The following PBX1 variants were observed in gnomAD, a reference collection of about 807,000 sequenced individuals.
PBX1 encodes the protein pre-B-cell leukemia transcription factor 1.
A neutral mutation model predicts 53.4 loss-of-function variants in PBX1; 6 were observed. The observed-to-expected ratio is 0.11, with a 90% CI of 0.06 to 0.22. PBX1 has a LOEUF of 0.22. Among genes scored for constraint, PBX1 ranks in the 10% least tolerant of loss-of-function variants. The pLI is 1.00. For synonymous variants in PBX1, 204 were observed against 212.3 expected (o/e 0.96, Z 0.34); for missense variants, 251 against 551.4 (o/e 0.46, Z 5.46).
chr1:164,772,286 G>T (rs1323653312), intron 2 of PBX1, among the ~76,000 whole-genome samples: 1 of 152,116 alleles, frequency 6.6e-6, no homozygotes, highest in Non-Finnish European at 1.5e-5. Context: ...ATCTTTAAAA[G>T]AACATGTGGT....
At chr1:164,846,513 C>T in intron 8 of PBX1, 71 bp from the exon 9 acceptor site, 6 of 1,308,292 alleles carry the variant, frequency 4.6e-6, no homozygotes, top group South Asian at 3.5e-5. Context: ...CAAGATGCCT[C>T]ATTGTCATTG....
chr1:164,848,901 A>C lies in PBX1; in HGVS notation c.*2225A>C. The stretch of plus-strand genomic sequence containing the variant: ...GGAATGTGTATTTGAAGGAAATGCA[A>C]AAACTAAGTATTTAGCAAAATGAAA... On this transcript the variant is annotated 3_prime_UTR_variant, in exon 9 of 9. Coordinates refer to ENST00000420696, the MANE Select transcript of PBX1 (RefSeq NM_002585.4). 2.9e-5 allele frequency: 31 copies of C among 1,068,876 alleles called. No homozygotes were observed. The highest frequency in any genetic ancestry group is 3.4e-5 in the Non-Finnish European group (30 of 881,726). The allele number at this position is 1,068,876 out of a possible 1,614,324, so 66.2% of individuals were successfully genotyped here.
At chr1:164,857,667 C>T (rs1672008339) in intron 2 of PBX1, among the ~76,000 whole-genome samples, 1 of 152,180 alleles carries the variant, frequency 6.6e-6, no homozygotes, top group South Asian at 2.1e-4. Context: ...ACTCTCCTAT[C>T]ACCCTTATCA....
intron 2 of PBX1, among the ~76,000 whole-genome samples, chr1:164,785,747 C>T (rs1341342814): frequency 6.6e-6 from 1 of 152,162 alleles, no homozygotes; most frequent in Non-Finnish European, 1.5e-5. Context: ...TTGCACTGAG[C>T]GTTCCTCAGA....
At chr1:164,830,723 T>C (rs992693674) in intron 8 of PBX1, among the ~76,000 whole-genome samples, 7 of 152,138 alleles carry the variant, frequency 4.6e-5, no homozygotes, top group Non-Finnish European at 8.8e-5. Context: ...TTGTTTCAAG[T>C]CTCCCAGGTG....
chr1:164,797,790 A>G (rs956288815), intron 3 of PBX1, among the ~76,000 whole-genome samples: 4 of 152,190 alleles, frequency 2.6e-5, no homozygotes, highest in South Asian at 2.1e-4. Flanking sequence ...AACTCATTTA[A>G]TCCTTACTAC....
At position 164,848,798 on chromosome 1, in the gene PBX1, C is replaced by A. The variant is rs577297529; in HGVS notation, c.*2122C>A. On this transcript the variant is annotated 3_prime_UTR_variant, in exon 9 of 9. Coordinates refer to ENST00000420696, the MANE Select transcript of PBX1 (RefSeq NM_002585.4). ...GGCAGCTAGCAAGAACATGGAAATT[C>A]TGCTTGGCACTACAGTCATAAATAG... The A allele has an allele frequency of 9.4e-7, 1 of 1,062,368 alleles. No homozygotes were observed. Among genetic ancestry groups the A allele is most frequent in the South Asian group, 4.6e-5 (1 of 21,948 alleles). The allele number at this position is 1,062,368 out of a possible 1,614,324, so 65.8% of individuals were successfully genotyped here. A position where few individuals can be genotyped will look rare whatever the true frequency, so the allele number is the denominator to read the frequency against.
intron 2 of PBX1, chr1:164,684,548 C>A (rs1459845441): frequency 4.6e-5 from 7 of 152,166 alleles, no homozygotes; most frequent in African/African-American, 1.7e-4. Flanking sequence ...TTTGACCAGT[C>A]CTTTCACTGA....
intron 2 of PBX1, among the ~76,000 whole-genome samples, chr1:164,734,048 A>G (rs567008660): frequency 2.0e-5 from 3 of 152,294 alleles, no homozygotes; most frequent in East Asian, 3.9e-4. Flanking sequence ...GTGTGGATTC[A>G]TTTTGTATGT....
chr1:164,746,700 G>T (rs745592954), intron 2 of PBX1, among the ~76,000 whole-genome samples: 1 of 152,136 alleles, frequency 6.6e-6, no homozygotes, highest in Non-Finnish European at 1.5e-5. Flanking sequence ...GAGCCACCAC[G>T]CCTGGCCCTT....
chr1:164,665,940 G>T (rs901234091), intron 2 of PBX1, among the ~76,000 whole-genome samples: 3 of 152,154 alleles, frequency 2.0e-5, no homozygotes, highest in Non-Finnish European at 4.4e-5. Context: ...AAGTTTTCTG[G>T]CTTGGCCTTG....
chr1:164,647,435 T>C (rs936270195), intron 2 of PBX1, among the ~76,000 whole-genome samples: 1 of 152,072 alleles, frequency 6.6e-6, no homozygotes, highest in Non-Finnish European at 1.5e-5. Flanking sequence ...TGGGAAGTTG[T>C]TTTGTTATCA....
intron 2 of PBX1, among the ~76,000 whole-genome samples, chr1:164,717,789 G>T (rs1479105182): frequency 6.6e-6 from 1 of 152,168 alleles, no homozygotes; most frequent in African/African-American, 2.4e-5. Flanking sequence ...GGGGAAGATG[G>T]TGGTTTCAGA....
At chr1:164,768,002 CTT>C (rs56064016) in intron 2 of PBX1, among the ~76,000 whole-genome samples, 2 of 148,416 alleles carry the variant, frequency 1.3e-5, no homozygotes, top group Non-Finnish European at 3.0e-5. Flanking sequence ...TCCATATATA[CTT>C]TTTTTTTTTC....
At position 164,606,542 on chromosome 1, in the gene PBX1, C is replaced by T. The variant is rs6690482; in HGVS notation, c.265+43231C>T. Among the ~76,000 whole-genome samples the T allele has an allele frequency of 3.9e-3, 599 of 152,330 alleles. 9 individuals carry two copies. The highest frequency in any genetic ancestry group is 0.013 in the African/African-American group (547 of 41,562). ...AGTGAGCTGAGGTAGCGCCGCTGCACTCCAGCCTGAACAACAGAGTGAGAC... is the reference window on the plus strand; with the variant it reads ...AGTGAGCTGAGGTAGCGCCGCTGCATTCCAGCCTGAACAACAGAGTGAGAC... On this transcript the variant is annotated intron_variant, in intron 2 of 8. Transcript: ENST00000420696.
chr1:164,709,713 A>G (rs1663643539), intron 2 of PBX1, among the ~76,000 whole-genome samples: 1 of 152,188 alleles, frequency 6.6e-6, no homozygotes, highest in South Asian at 2.1e-4. Flanking sequence ...AAAGCCATGA[A>G]AAAAAGAATT....
At chr1:164,626,968 A>G (rs1472179764) in intron 2 of PBX1, among the ~76,000 whole-genome samples, 2 of 152,186 alleles carry the variant, frequency 1.3e-5, no homozygotes, top group Non-Finnish European at 2.9e-5. Flanking sequence ...TGCTTTTTCA[A>G]TTTTACAATG....
At chr1:164,649,112 T>C (rs1268787685) in intron 2 of PBX1, among the ~76,000 whole-genome samples, 4 of 152,118 alleles carry the variant, frequency 2.6e-5, no homozygotes, top group African/African-American at 9.7e-5. Context: ...TGTGGGAACA[T>C]TGGCCTACAG....
chr1:164,649,123 A>C (rs1034084067), intron 2 of PBX1, among the ~76,000 whole-genome samples: 15 of 152,024 alleles, frequency 9.9e-5, no homozygotes, highest in African/African-American at 3.1e-4. Context: ...TGGCCTACAG[A>C]TCTAGTTAGG....
Sources: gnomAD v4.1 joint callset for allele counts (sites outside exome capture counted in the v4.1 genomes callset) on GRCh38, gnomAD v4.1.1 for gene constraint, MANE v1.5 for transcripts, NCBI Gene and HGNC (gene_info 2026-07-23, HGNC 2026-07-21) for gene names.